Variants in OPTC observed in about 807,000 individuals in gnomAD.
OPTC encodes the protein oculoglycan.
Under a neutral mutation model 25.4 loss-of-function variants are expected in OPTC, and 22 were observed. The ratio of observed to expected loss-of-function variants is 0.87; its 90% CI spans 0.62 to 1.24. The LOEUF (loss-of-function observed/expected upper bound fraction) is 1.24. Ranked by LOEUF, OPTC falls within the 50% of genes most tolerant of loss-of-function variation. The probability of loss-of-function intolerance (pLI) is 0.00; values close to 1 mark genes in which losing one functional copy is unlikely to be tolerated. For synonymous variants in OPTC, 169 were observed against 179.3 expected (o/e 0.94, Z 0.46); for missense variants, 417 against 425.2 (o/e 0.98, Z 0.17).
At chr1:203,506,285 G>C (rs1661486198) in intron 7 of OPTC, among the ~76,000 whole-genome samples, 1 of 151,326 alleles carries the variant, frequency 6.6e-6, no homozygotes, top group Non-Finnish European at 1.5e-5. Flanking sequence ...CTGAGTAGCT[G>C]GGATTACAGG....
chr1:203,498,298 C>A (rs1661310628), intron 3 of OPTC, among the ~76,000 whole-genome samples: 1 of 152,190 alleles, frequency 6.6e-6, no homozygotes, highest in Non-Finnish European at 1.5e-5. Flanking sequence ...GATGGCAGAG[C>A]CAGCAACCAC....
chr1:203,498,676 G>A lies in OPTC; in HGVS notation c.371-5G>A, dbSNP rs542443235. 3 of 1,614,164 alleles carry A rather than the reference G, an allele frequency of 1.9e-6. No individual in the cohort carries two copies. Among genetic ancestry groups the A allele is most frequent in the Admixed American group, 1.7e-5 (1 of 60,028 alleles). ...TCCCTTTGTTCTGTCTTCCACCTGG[G>A]CCAGGTCTGCCCACCTGCCTGGTCT... On this transcript the variant is annotated splice_region_variant and splice_polypyrimidine_tract_variant and intron_variant, in intron 3 of 7. Transcript: ENST00000367222.
Position 203,498,781 on chromosome 1 carries a change from C to G in OPTC, c.471C>G (p.Tyr157Ter). 6.2e-7 allele frequency: 1 copy of G among 1,614,096 alleles called. No individual in the cohort carries two copies. The highest frequency in any genetic ancestry group is 1.3e-5 in the African/African-American group (1 of 75,044). Reference protein sequence around the residue: ...DIPPLPRRTAYLYARFNRISR... With the variant: ...DIPPLPRRTA ...CTCCTCTTCCTCGGAGGACTGCCTACCTGTATGCACGCTTCAACCGCATCA... is the reference window on the plus strand; with the variant it reads ...CTCCTCTTCCTCGGAGGACTGCCTAGCTGTATGCACGCTTCAACCGCATCA... Residue 157 changes from tyrosine (Y) to a stop codon, truncating the protein, a stop_gained, in exon 4 of 8, where the codon TAC becomes TAG. Coordinates refer to ENST00000367222, the MANE Select transcript of OPTC (RefSeq NM_014359.4). LOFTEE classifies it high-confidence loss of function.
intron 7 of OPTC, among the ~76,000 whole-genome samples, chr1:203,506,145 C>CTTTTTTTTTTTT (rs78639556): frequency 1.1e-5 from 1 of 89,462 alleles, no homozygotes. Context: ...ATCCAATTTT[C>CTTTTTTTTTTTT]TTTTTTCTTT....
chr1:203,494,568 G>C (rs1661248317), intron 1 of OPTC, among the ~76,000 whole-genome samples: 1 of 152,102 alleles, frequency 6.6e-6, no homozygotes, highest in South Asian at 2.1e-4. Flanking sequence ...AGGACTGCCT[G>C]AGCCCAGGAG....
chr1:203,494,699 GA>G, intron 1 of OPTC, among the ~76,000 whole-genome samples: 1 of 152,150 alleles, frequency 6.6e-6, no homozygotes, highest in African/African-American at 2.4e-5. Flanking sequence ...TTAAAAGAAA[GA>G]AAGAGGGAGA....
At position 203,496,141 on chromosome 1, in the gene OPTC, C is replaced by G; in HGVS notation, c.136C>G (p.Leu46Val). ...AGGCGATTCCTTTGAAGTTCTGCCT[C>G]TGCGGAATGATGTCCTGAACCCAGA... ...REGDSFEVLP[L>V]RNDVLNPDNY... Residue 46 changes from leucine (L) to valine (V), a missense_variant, in exon 2 of 8, where the codon CTG (leucine) becomes GTG (valine). Physicochemically the swap from Leu to Val is conservative, Grantham distance 32 (BLOSUM62 1). Transcript: ENST00000367222. 1 of 1,614,170 alleles carries G rather than the reference C, an allele frequency of 6.2e-7. No homozygotes were observed. Among genetic ancestry groups the G allele is most frequent in the Non-Finnish European group, 8.5e-7 (1 of 1,180,024 alleles).
At chr1:203,498,372 A>G (rs963723202) in intron 3 of OPTC, among the ~76,000 whole-genome samples, 1 of 152,172 alleles carries the variant, frequency 6.6e-6, no homozygotes, top group African/African-American at 2.4e-5. Context: ...TGGAAAAGAG[A>G]CCAAGGGATT....
Position 203,499,776 on chromosome 1 carries a change from G to T in OPTC, c.657G>T (p.Leu219=), listed in dbSNP as rs773717416. ...PENQLEALPV[L]PSGIEFLDVR... ...ACCAGTTGGAAGCTCTGCCCGTGCT[G>T]CCCAGTGGCATTGAGTTCCTGGATG... Residue 219 remains leucine (L), a synonymous_variant, in exon 5 of 8, where the codon CTG becomes CTT. Transcript: ENST00000367222. The T allele has an allele frequency of 2.5e-6, 4 of 1,612,816 alleles. No homozygotes were observed. Among genetic ancestry groups the T allele is most frequent in the Non-Finnish European group, 3.4e-6 (4 of 1,179,892 alleles).
chr1:203,504,342 G>T (rs1364248304), intron 7 of OPTC, among the ~76,000 whole-genome samples: 1 of 152,050 alleles, frequency 6.6e-6, no homozygotes, highest in Non-Finnish European at 1.5e-5. Context: ...TTCTGTCCAT[G>T]GTGTCTGTAT....
At position 203,496,160 on chromosome 1, in the gene OPTC, AC is replaced by A. The variant is rs749948693; in HGVS notation, c.158del (p.Pro53GlnfsTer10). ...EVLPLRNDVL[N>X]PDNYGEVIDL... Reference sequence around the variant, plus strand: ...CTGCCTCTGCGGAATGATGTCCTGAACCCAGACAACTATGGTGAAGTCATTG... The same window carrying A: ...CTGCCTCTGCGGAATGATGTCCTGAACCAGACAACTATGGTGAAGTCATTG... On this transcript the variant is annotated frameshift_variant, in exon 2 of 8. Transcript: ENST00000367222. LOFTEE classifies it high-confidence loss of function. The A allele has an allele frequency of 1.2e-6, 2 of 1,614,110 alleles. No individual in the cohort carries two copies. The highest frequency in any genetic ancestry group is 1.7e-6 in the Non-Finnish European group (2 of 1,180,010).
chr1:203,503,060 GT>G, intron 6 of OPTC, 51 bp downstream of exon 6: 1 of 1,437,008 alleles, frequency 7.0e-7, no homozygotes, highest in Non-Finnish European at 9.8e-7. Flanking sequence ...GAGGATGGAA[GT>G]TAGATACCAG....
chr1:203,500,020 A>T (rs1247639747), intron 5 of OPTC, among the ~76,000 whole-genome samples, 169 bp downstream of exon 5: 1 of 28,398 alleles, frequency 3.5e-5, no homozygotes, highest in Non-Finnish European at 7.0e-5. Context: ...CACACCTACC[A>T]CCCACCTACC....
rs751545013 is a variant in OPTC, at chr1:203,497,063, G to A, written c.318G>A (p.Thr106=). The change falls in exon 3 of 8, where the codon ACG becomes ACA. Residue 106 remains threonine (T), a synonymous_variant. Transcript: ENST00000367222. ...TAPGTPSSNP[T]MTRPTTAGLL... is the part of the protein sequence containing the mutation. ...CAGGGACACCCTCGTCAAACCCCAC[G>A]ATGACCAGACCTACTACAGCAGGGC... is the stretch of plus-strand genomic sequence containing the variant. 4.6e-5 allele frequency: 75 copies of A among 1,614,038 alleles called. No individual in the cohort carries two copies. Among genetic ancestry groups the A allele is most frequent in the Non-Finnish European group, 6.1e-5 (72 of 1,179,988 alleles).
chr1:203,500,464 ACCACCAC>A (rs1156965813), intron 5 of OPTC, among the ~76,000 whole-genome samples: 6 of 141,900 alleles, frequency 4.2e-5, no homozygotes, highest in Non-Finnish European at 7.7e-5. Flanking sequence ...CATATCCACC[ACCACCAC>A]CCACCTGCAC....
rs201352689 is a variant in OPTC at position 203,495,973 on chromosome 1, G to A, written c.-33G>A. 538 of 1,504,972 alleles carry A rather than the reference G, an allele frequency of 3.6e-4. 2 individuals are homozygous for A. The African/African-American group carries it at 6.4e-3, about 18-fold the overall frequency. The allele number at this position is 1,504,972 out of a possible 1,614,324, so 93.2% of individuals were successfully genotyped here. On this transcript the variant is annotated 5_prime_UTR_variant, in exon 2 of 8. Transcript: ENST00000367222. ...TCGTGCCCACTTGCCAGGACCAGCC[G>A]CTGAAGGGATTCTCAGTCCCATCTG...
chr1:203,498,785 TATGCAC>T lies in OPTC; in HGVS notation c.476_481del (p.Tyr159_Arg161delinsCys). 6.2e-7 allele frequency: 1 copy of T among 1,614,092 alleles called. No individual in the cohort carries two copies. Among genetic ancestry groups the T allele is most frequent in the South Asian group, 1.1e-5 (1 of 91,090 alleles). On this transcript the variant is annotated inframe_deletion, in exon 4 of 8. Transcript: ENST00000367222. ...TCTTCCTCGGAGGACTGCCTACCTG[TATGCAC>T]GCTTCAACCGCATCAGCCGTATCAG...
At chr1:203,498,923 GT>G (rs1181422763) in intron 4 of OPTC, 84 bp downstream of exon 4, 1 of 1,459,866 alleles carries the variant, frequency 6.8e-7, no homozygotes, top group Non-Finnish European at 9.6e-7. Flanking sequence ...CACTGTGTTA[GT>G]GCCCCCCGTG....
chr1:203,503,396 T>C (rs1421123386), intron 6 of OPTC, among the ~76,000 whole-genome samples, 154 bp from the exon 7 acceptor site: 1 of 152,082 alleles, frequency 6.6e-6, no homozygotes, highest in Non-Finnish European at 1.5e-5. Flanking sequence ...GCTCCTCTTC[T>C]CACCCTTGTT....
Sources: gnomAD v4.1 joint callset for allele counts (sites outside exome capture counted in the v4.1 genomes callset) on GRCh38, gnomAD v4.1.1 for gene constraint, MANE v1.5 for transcripts, NCBI Gene and HGNC (gene_info 2026-07-23, HGNC 2026-07-21) for gene names.